OR2T27: variants seen among roughly 807,000 people sequenced by gnomAD.
OR2T27 encodes the protein olfactory receptor family 2 subfamily T member 27.
For missense variants in OR2T27, 152 were observed against 397.2 expected (o/e 0.38, Z 5.25); for synonymous variants, 51 against 152.9 (o/e 0.33, Z 4.92).
intron 1 of OR2T27, among the ~76,000 whole-genome samples, chr1:248,651,994 ATTTTTT>A (rs1661028155): frequency 5.7e-5 from 8 of 139,212 alleles, no homozygotes; most frequent in Admixed American, 2.1e-4. Context: ...AGTTTCACCT[ATTTTTT>A]ACATTTTTAA....
chr1:248,651,920 C>T (rs1467959361), intron 1 of OR2T27, among the ~76,000 whole-genome samples: 2 of 73,368 alleles, frequency 2.7e-5, no homozygotes, highest in African/African-American at 6.0e-5. Flanking sequence ...ATATGCAACA[C>T]ATCTCCTTAA....
chr1:248,652,729 C>T lies in OR2T27; in HGVS notation c.-4-1841G>A, dbSNP rs1412468140. Among the ~76,000 whole-genome samples, 29 of 91,106 alleles carry T rather than the reference C, an allele frequency of 3.2e-4. 1 individual carries two copies. The highest frequency in any genetic ancestry group is 7.7e-4 in the African/African-American group (25 of 32,458). 59.8% of individuals were successfully genotyped at this position (91,106 alleles called of 152,430 possible). Reference sequence around the variant, plus strand: ...CATGCCACAGTGGATGGATGGAAAACGATGAAAATTCAGATTTTTACTGAT... The same window carrying T: ...CATGCCACAGTGGATGGATGGAAAATGATGAAAATTCAGATTTTTACTGAT... On this transcript the variant is annotated intron_variant, in intron 1 of 1. Coordinates refer to ENST00000460972, the MANE Select transcript of OR2T27 (RefSeq NM_001001824.2).
chr1:248,655,246 C>A (rs1464471730), intron 1 of OR2T27, among the ~76,000 whole-genome samples, 198 bp downstream of exon 1: 1 of 120,630 alleles, frequency 8.3e-6, no homozygotes, highest in Non-Finnish European at 1.9e-5. Flanking sequence ...AGATAAGAGT[C>A]CATAACTACT....
intron 1 of OR2T27, among the ~76,000 whole-genome samples, chr1:248,653,503 A>C (rs1361052271): frequency 1.0e-5 from 1 of 100,024 alleles, no homozygotes; most frequent in African/African-American, 2.8e-5. Context: ...TGAGACACTC[A>C]GCTTGGTTCA....
At chr1:248,655,383 G>GA (rs1661096398) in intron 1 of OR2T27, 61 bp downstream of exon 1, 1 of 108,838 alleles carries the variant, frequency 9.2e-6, no homozygotes, top group Non-Finnish European at 2.1e-5. Flanking sequence ...AAACTTTCTA[G>GA]GAAGTCCAGA....
chr1:248,650,176 C>A lies in OR2T27; in HGVS notation c.709G>T (p.Ala237Ser), dbSNP rs772347670. 2.0e-5 allele frequency: 32 copies of A among 1,564,902 alleles called. 3 individuals are homozygous for A. The highest frequency in any genetic ancestry group is 7.0e-5 in the East Asian group (3 of 43,034). The stretch of plus-strand genomic sequence containing the variant: ...ATGTGTGAGGAGCAGGTGGCCACAG[C>A]CTTTCCCCTCCCCTCTGCCTCGCTC... ...RMSEAEGRGK[A>S]VATCSSHMVV... The change falls in exon 2 of 2, where the codon GCT becomes TCT. Residue 237 changes from alanine to serine, a missense_variant. Transcript: ENST00000460972.
intron 1 of OR2T27, among the ~76,000 whole-genome samples, chr1:248,652,496 G>T (rs1661042148): frequency 3.0e-5 from 1 of 33,066 alleles, no homozygotes; most frequent in African/African-American, 3.6e-5. Flanking sequence ...AAGAATGTAA[G>T]ACATCATCTG....
rs1202197140 is a variant in OR2T27, at chr1:248,650,457, A to G, written c.428T>C (p.Leu143Ser). Reference protein sequence around the residue: ...PVLMSRKICWLIVAAAWLGGS... With the variant: ...PVLMSRKICWSIVAAAWLGGS... ...TCCCAGCCAGGCTGCCGCCACAATC[A>G]ACCAGCAGATCTTGCGGCTCATGAG... Residue 143 changes from leucine to serine, a missense_variant, in exon 2 of 2, where the codon TTG (leucine) becomes TCG (serine). Leu to Ser is a moderately radical substitution (Grantham distance 145). Transcript: ENST00000460972. 4 of 1,558,200 alleles carry G rather than the reference A, an allele frequency of 2.6e-6. No homozygotes were observed. Among genetic ancestry groups the G allele is most frequent in the Non-Finnish European group, 3.5e-6 (4 of 1,144,950 alleles).
chr1:248,651,472 G>C (rs1168122233), intron 1 of OR2T27: 1 of 70,650 alleles, frequency 1.4e-5, no homozygotes, highest in African/African-American at 2.8e-5. Flanking sequence ...AATAAAAAGA[G>C]CTGAGTTCTG....
In OR2T27 at chr1:248,654,630, TTA is replaced by T. The variant is rs1436497368; in HGVS notation, c.-5+812_-5+813del. 1.4e-4 allele frequency among the ~76,000 whole-genome samples: 3 copies of T among 21,200 alleles called. 1 individual carries two copies. Among genetic ancestry groups the T allele is most frequent in the African/African-American group, 1.7e-4 (3 of 17,596 alleles). The allele number at this position is 21,200 out of a possible 152,430, so 13.9% of individuals were successfully genotyped here. A position where few individuals can be genotyped will look rare whatever the true frequency, so the allele number is the denominator to read the frequency against. ...TTAATTCTCTGTACAATCAGATTCA[TTA>T]TGTTTCCTCCCCAGCAGTATTTTCA... On this transcript the variant is annotated intron_variant, in intron 1 of 1. Coordinates refer to ENST00000460972, the MANE Select transcript of OR2T27 (RefSeq NM_001001824.2).
In OR2T27 at chr1:248,649,984, G is replaced by A. The variant is rs763203276; in HGVS notation, c.901C>T (p.Leu301=). Residue 301 remains leucine, a synonymous_variant, in exon 2 of 2, where the codon CTA becomes TTA. Coordinates refer to ENST00000460972, the MANE Select transcript of OR2T27 (RefSeq NM_001001824.2). ...ACACACCTCCCCACAACCTTCTGTA[G>A]GGCCCCTGTGACATCCTTGTTCCTA... ...SLRNKDVTGA[L]QKVVGRCVSS... The A allele has an allele frequency of 3.2e-6, 5 of 1,578,542 alleles. No homozygotes were observed. The South Asian group carries it at 4.5e-5, about 14-fold the overall frequency.
chr1:248,652,776 T>C (rs1337839575), intron 1 of OR2T27, among the ~76,000 whole-genome samples: 6 of 143,310 alleles, frequency 4.2e-5, no homozygotes, highest in Non-Finnish European at 6.1e-5. Flanking sequence ...TATATCCTTA[T>C]GCATTTTTCA....
chr1:248,652,106 C>T (rs577493465), intron 1 of OR2T27, among the ~76,000 whole-genome samples: 1 of 152,332 alleles, frequency 6.6e-6, no homozygotes, highest in South Asian at 2.1e-4. Context: ...ATGACAGCTC[C>T]AAATACCTTC....
At chr1:248,652,511 C>T (rs377468135) in intron 1 of OR2T27, among the ~76,000 whole-genome samples, 2 of 135,726 alleles carry the variant, frequency 1.5e-5, no homozygotes, top group Admixed American at 7.6e-5. Flanking sequence ...CATCTGTCTT[C>T]GAGCCTAGAA....
At chr1:248,653,190 G>A (rs1345928003) in intron 1 of OR2T27, among the ~76,000 whole-genome samples, 2 of 143,462 alleles carry the variant, frequency 1.4e-5, no homozygotes, top group African/African-American at 5.1e-5. Context: ...GAGACCCTGG[G>A]GATCTCCCCA....
intron 1 of OR2T27, among the ~76,000 whole-genome samples, chr1:248,652,100 C>CA (rs1306985763): frequency 6.6e-6 from 1 of 152,224 alleles, no homozygotes; most frequent in African/African-American, 2.4e-5. Context: ...GAGAATATGA[C>CA]AGCTCCAAAT....
rs1558180436 is a variant in OR2T27 at position 248,649,889 on chromosome 1, T to TA, written c.*41_*42insT. Reference sequence around the variant, plus strand: ...AAATTCAAGGGCAATGATAAAGTCTTGTATCCTTCATTTCAAGTCTCTAGC... The same window carrying TA: ...AAATTCAAGGGCAATGATAAAGTCTTAGTATCCTTCATTTCAAGTCTCTAGC... On this transcript the variant is annotated 3_prime_UTR_variant, in exon 2 of 2. Coordinates refer to ENST00000460972, the MANE Select transcript of OR2T27 (RefSeq NM_001001824.2). 17 of 1,346,708 alleles carry TA rather than the reference T, an allele frequency of 1.3e-5. No homozygotes were observed. The highest frequency in any genetic ancestry group is 1.8e-5 in the Non-Finnish European group (17 of 950,268). 83.4% of individuals were successfully genotyped at this position (1,346,708 alleles called of 1,614,324 possible). A position where few individuals can be genotyped will look rare whatever the true frequency, so the allele number is the denominator to read the frequency against.
At position 248,651,497 on chromosome 1, in the gene OR2T27, A is replaced by AATT. The variant is rs1458955462; in HGVS notation, c.-4-612_-4-610dup. The AATT allele has an allele frequency of 3.3e-4, 23 of 69,850 alleles. 5 individuals are homozygous for AATT. The highest frequency in any genetic ancestry group is 6.5e-4 in the Admixed American group (3 of 4,646). The allele number at this position is 69,850 out of a possible 1,614,324, so 4.3% of individuals were successfully genotyped here. A position where few individuals can be genotyped will look rare whatever the true frequency, so the allele number is the denominator to read the frequency against. On this transcript the variant is annotated intron_variant, in intron 1 of 1. Coordinates refer to ENST00000460972, the MANE Select transcript of OR2T27 (RefSeq NM_001001824.2). The stretch of plus-strand genomic sequence containing the variant: ...GCTGAGTTCTGAGAAGTCATCCAAG[A>AATT]ATTCATAGGAGGAAAAATCATGGGA...
rs1305966452 is a variant in OR2T27 at position 248,653,718 on chromosome 1, GA to G, written c.-5+1725del. On this transcript the variant is annotated intron_variant, in intron 1 of 1. Coordinates refer to ENST00000460972, the MANE Select transcript of OR2T27 (RefSeq NM_001001824.2). ...AAACTCACAATATGGATTTGATTAT[GA>G]AAAAAATTGAACATAGTGTATATTT... is the stretch of plus-strand genomic sequence containing the variant. 3.2e-5 allele frequency among the ~76,000 whole-genome samples: 3 copies of G among 92,948 alleles called. 1 individual carries two copies. The highest frequency in any genetic ancestry group is 5.7e-5 in the African/African-American group (2 of 35,314). 61.0% of individuals were successfully genotyped at this position (92,948 alleles called of 152,430 possible).
Sources: gnomAD v4.1 joint callset for allele counts (sites outside exome capture counted in the v4.1 genomes callset) on GRCh38, gnomAD v4.1.1 for gene constraint, MANE v1.5 for transcripts, NCBI Gene and HGNC (gene_info 2026-07-23, HGNC 2026-07-21) for gene names.